Variants in PAX3 observed in about 807,000 individuals in gnomAD.
PAX3 encodes paired box protein Pax-3.
PAX3 carries 14 observed loss-of-function variants against 51.6 expected under a neutral mutation model. That is an observed-to-expected ratio of 0.27 (90% CI 0.18 to 0.42). PAX3 has a LOEUF of 0.42. Among genes scored for constraint, PAX3 ranks in the 10% least tolerant of loss-of-function variants. The probability of loss-of-function intolerance (pLI) is 1.00; values close to 1 mark genes in which losing one functional copy is unlikely to be tolerated. For missense variants in PAX3, 540 were observed against 642.8 expected (o/e 0.84, Z 1.73); for synonymous variants, 280 against 253.4 (o/e 1.11, Z -1.00).
chr2:222,242,667 T>C (rs148945827), intron 4 of PAX3: 19 of 152,328 alleles, frequency 1.2e-4, no homozygotes, highest in Admixed American at 3.9e-4. Context: ...TCCACTGAGC[T>C]AGGACTCAGA....
rs761022291 is a variant in PAX3, at chr2:222,232,237, T to C, written c.633A>G (p.Pro211=). The change falls in exon 5 of 9, where the codon CCA becomes CCG. Residue 211 remains proline, a synonymous_variant. Transcript: ENST00000392070. ...GCTGTTTCCTCTTTAGTGGTAAATC[T>C]GGTTCAGAGTCAATATCAGAGCCTT... ...SDEGSDIDSE[P]DLPLKRKQRR... 24 of 1,613,962 alleles carry C rather than the reference T, an allele frequency of 1.5e-5. No homozygotes were observed. The highest frequency in any genetic ancestry group is 4.0e-5 in the African/African-American group (3 of 74,926).
chr2:222,217,165 T>C (rs1239497816), intron 7 of PAX3, among the ~76,000 whole-genome samples: 1 of 152,170 alleles, frequency 6.6e-6, no homozygotes, highest in Admixed American at 6.5e-5. Flanking sequence ...GCCTTGGGGG[T>C]TGTTTTTTCT....
At chr2:222,284,314 T>C (rs1308777988) in intron 4 of PAX3, among the ~76,000 whole-genome samples, 1 of 152,190 alleles carries the variant, frequency 6.6e-6, no homozygotes, top group Admixed American at 6.5e-5. Flanking sequence ...AGACTCGTTT[T>C]CAAAAAAGCA....
intron 4 of PAX3, among the ~76,000 whole-genome samples, chr2:222,276,419 C>T (rs572166640): frequency 1.2e-4 from 18 of 152,336 alleles, no homozygotes; most frequent in African/African-American, 3.4e-4. Context: ...GTAGCAGTTG[C>T]TCACCTTCTA....
At chr2:222,230,960 A>T (rs1692572291) in intron 5 of PAX3, among the ~76,000 whole-genome samples, 1 of 149,712 alleles carries the variant, frequency 6.7e-6, no homozygotes, top group African/African-American at 2.5e-5. Flanking sequence ...AATTATTTGT[A>T]TGTTTATTTT....
intron 4 of PAX3, among the ~76,000 whole-genome samples, chr2:222,276,474 T>A (rs899889393): frequency 1.1e-4 from 17 of 152,194 alleles, no homozygotes; most frequent in African/African-American, 3.9e-4. Flanking sequence ...CCTGATTCCC[T>A]GGCTGCCTGG....
chr2:222,236,276 T>C (rs1254108437), intron 4 of PAX3, among the ~76,000 whole-genome samples: 1 of 152,210 alleles, frequency 6.6e-6, no homozygotes, highest in Non-Finnish European at 1.5e-5. Flanking sequence ...TTGTTTGTTT[T>C]AGAGACAGGG....
chr2:222,264,672 T>C (rs990736059), intron 4 of PAX3: 4 of 152,224 alleles, frequency 2.6e-5, no homozygotes, highest in African/African-American at 9.6e-5. Flanking sequence ...CATGCTTAGA[T>C]TACCTCCTTG....
intron 7 of PAX3, among the ~76,000 whole-genome samples, chr2:222,212,621 A>G (rs1392516653): frequency 1.9e-5 from 2 of 107,644 alleles, no homozygotes; most frequent in African/African-American, 3.5e-5. Flanking sequence ...TTGGAAAAAC[A>G]AACACACACA....
intron 4 of PAX3, among the ~76,000 whole-genome samples, chr2:222,279,016 T>C (rs1002180883): frequency 1.3e-5 from 2 of 152,214 alleles, no homozygotes; most frequent in Non-Finnish European, 2.9e-5. Context: ...AGTGGTGCGA[T>C]CTTGGCTCAC....
chr2:222,273,233 C>T (rs1382623126), intron 4 of PAX3, among the ~76,000 whole-genome samples: 1 of 152,128 alleles, frequency 6.6e-6, no homozygotes, highest in Non-Finnish European at 1.5e-5. Flanking sequence ...TTCCTTACAA[C>T]ATGATACTGA....
At chr2:222,277,895 C>G (rs933670990) in intron 4 of PAX3, among the ~76,000 whole-genome samples, 1 of 144,698 alleles carries the variant, frequency 6.9e-6, no homozygotes, top group Admixed American at 7.1e-5. Flanking sequence ...GATCATGCCA[C>G]TGCACTCCAG....
chr2:222,254,374 T>C (rs1052013502), intron 4 of PAX3, among the ~76,000 whole-genome samples: 6 of 150,752 alleles, frequency 4.0e-5, no homozygotes, highest in African/African-American at 1.4e-4. Context: ...TCGTCTGTTC[T>C]GACATGCTTC....
intron 4 of PAX3, chr2:222,293,677 A>C (rs530344939): frequency 9.9e-6 from 16 of 1,614,154 alleles, no homozygotes; most frequent in Admixed American, 5.0e-5. Flanking sequence ...TGTGGGGGCA[A>C]TTTTGGAGGG....
chr2:222,262,189 A>G lies in PAX3; in HGVS notation c.587-29906T>C, dbSNP rs547237036. On this transcript the variant is annotated intron_variant, in intron 4 of 8. Coordinates refer to ENST00000392070, the MANE Select transcript of PAX3 (RefSeq NM_181458.4). ...TATGTGAGTAGTTCATTCTTATTTTATTACTGAACAAGACTCCAATGTAGT... is the reference window on the plus strand; with the variant it reads ...TATGTGAGTAGTTCATTCTTATTTTGTTACTGAACAAGACTCCAATGTAGT... 2.0e-5 allele frequency among the ~76,000 whole-genome samples: 3 copies of G among 152,316 alleles called. No individual in the cohort carries two copies. The South Asian group carries it at 6.2e-4, about 32-fold the overall frequency.
intron 4 of PAX3, among the ~76,000 whole-genome samples, chr2:222,243,373 A>G (rs1340304752): frequency 6.6e-6 from 1 of 152,378 alleles, no homozygotes; most frequent in East Asian, 1.9e-4. Flanking sequence ...ATGACACATC[A>G]TGAAAGAAAC....
chr2:222,204,584 G>T (rs1372680616), intron 7 of PAX3, among the ~76,000 whole-genome samples: 2 of 152,106 alleles, frequency 1.3e-5, no homozygotes, highest in Non-Finnish European at 2.9e-5. Context: ...TGATCCTGAT[G>T]GGTGAGATTG....
At chr2:222,293,629 A>G in intron 4 of PAX3, 1 of 1,613,576 alleles carries the variant, frequency 6.2e-7, no homozygotes, top group African/African-American at 1.3e-5. Context: ...AAACAAATCA[A>G]ACCAGTCAAC....
At chr2:222,244,251 A>G (rs1184575597) in intron 4 of PAX3, among the ~76,000 whole-genome samples, 1 of 152,182 alleles carries the variant, frequency 6.6e-6, no homozygotes. Context: ...AAGAGGTGAT[A>G]TCAAAGGTTT....
Sources: allele counts gnomAD v4.1 joint callset (sites outside exome capture counted in the v4.1 genomes callset), GRCh38; gene constraint gnomAD v4.1.1; transcripts MANE v1.5; gene names NCBI Gene and HGNC (gene_info 2026-07-23, HGNC 2026-07-21).